UGT2B28: variants seen among roughly 807,000 people sequenced by gnomAD.
UGT2B28 encodes UDP glucuronosyltransferase family 2 member B28, also known as UDP-glucuronosyltransferase 2B28.
Under a neutral mutation model 43.6 loss-of-function variants are expected in UGT2B28, and 45 were observed. The ratio of observed to expected loss-of-function variants is 1.03; its 90% CI spans 0.81 to 1.32. UGT2B28 has a LOEUF of 1.32. UGT2B28 is among the 40% of genes most tolerant of loss of function. UGT2B28 has a pLI of 0.00. For synonymous variants in UGT2B28, 204 were observed against 208.1 expected (o/e 0.98, Z 0.17); for missense variants, 649 against 625.5 (o/e 1.04, Z -0.40).
rs1723961699 is a variant in UGT2B28 at position 69,291,744 on chromosome 4, G to C, written c.1310+933G>C. On this transcript the variant is annotated intron_variant, in intron 5 of 5. Transcript: ENST00000335568. ...TACTTTCTTTTGGGTTGATGCAGAA[G>C]TGGAATTGCTGCCTCATGTGAGAAC... Among the ~76,000 whole-genome samples, 2 of 133,980 alleles carry C rather than the reference G, an allele frequency of 1.5e-5. 1 individual carries two copies. The highest frequency in any genetic ancestry group is 5.0e-4 in the South Asian group (2 of 3,972). 87.9% of individuals were successfully genotyped at this position (133,980 alleles called of 152,430 possible).
At chr4:69,284,047 T>A (rs1723698293) in intron 2 of UGT2B28, among the ~76,000 whole-genome samples, 2 of 140,668 alleles carry the variant, frequency 1.4e-5, no homozygotes, top group African/African-American at 2.8e-5. Flanking sequence ...TGCATTGAGA[T>A]CCCAGAATTT....
rs202015495 is a variant in UGT2B28 at position 69,281,000 on chromosome 4, C to T, written c.500C>T (p.Pro167Leu). ...GELLAALLNI[P>L]FVYSLCFTPG... Reference sequence around the variant, plus strand: ...CTGCTGGCTGCGCTACTTAACATACCGTTTGTGTACAGTCTCTGCTTCACT... The same window carrying T: ...CTGCTGGCTGCGCTACTTAACATACTGTTTGTGTACAGTCTCTGCTTCACT... The change falls in exon 1 of 6, where the codon CCG (proline) becomes CTG (leucine). Residue 167 changes from proline to leucine, a missense_variant. Pro to Leu is a moderately conservative substitution (Grantham distance 98). Coordinates refer to ENST00000335568, the MANE Select transcript of UGT2B28 (RefSeq NM_053039.2). The T allele has an allele frequency of 3.2e-6, 5 of 1,559,280 alleles. 1 individual carries two copies. The South Asian group carries it at 3.6e-5, about 11-fold the overall frequency.
In UGT2B28 at chr4:69,289,012, G is replaced by A. The variant is rs1723862980; in HGVS notation, c.1003-653G>A. Among the ~76,000 whole-genome samples, 2 of 139,978 alleles carry A rather than the reference G, an allele frequency of 1.4e-5. 1 individual carries two copies. The highest frequency in any genetic ancestry group is 4.8e-4 in the South Asian group (2 of 4,176). The allele number at this position is 139,978 out of a possible 152,430, so 91.8% of individuals were successfully genotyped here. A position where few individuals can be genotyped will look rare whatever the true frequency, so the allele number is the denominator to read the frequency against. On this transcript the variant is annotated intron_variant, in intron 3 of 5. Coordinates refer to ENST00000335568, the MANE Select transcript of UGT2B28 (RefSeq NM_053039.2). The stretch of plus-strand genomic sequence containing the variant: ...TAATTGATGGTCATTTAGGTTGACT[G>A]CATGTCCTTGCTATTGTGAATAGTA...
At chr4:69,289,826 A>G in intron 4 of UGT2B28, 74 bp downstream of exon 4, 1 of 1,346,558 alleles carries the variant, frequency 7.4e-7, no homozygotes, top group Non-Finnish European at 1.0e-6. Context: ...ATCTTGAAAC[A>G]TGCTTATTGA....
At chr4:69,294,464 T>A (rs1724044002) in intron 5 of UGT2B28, 66 bp from the exon 6 acceptor site, 4 of 1,364,742 alleles carry the variant, frequency 2.9e-6, no homozygotes, top group African/African-American at 1.7e-5. Context: ...AAGCCTTTCA[T>A]AGACTTGATA....
Position 69,287,208 on chromosome 4 carries a change from T to C in UGT2B28, c.1002+325T>C, listed in dbSNP as rs1470438921. Reference sequence around the variant, plus strand: ...TTTCTGATATTAACAGTCATACATATGGCTGAAATTAACTCAATATATTTC... The same window carrying C: ...TTTCTGATATTAACAGTCATACATACGGCTGAAATTAACTCAATATATTTC... On this transcript the variant is annotated intron_variant, in intron 3 of 5. Coordinates refer to ENST00000335568, the MANE Select transcript of UGT2B28 (RefSeq NM_053039.2). Among the ~76,000 whole-genome samples, 6 of 140,998 alleles carry C rather than the reference T, an allele frequency of 4.3e-5. 1 individual carries two copies. The highest frequency in any genetic ancestry group is 4.1e-4 in the East Asian group (2 of 4,930). The allele number at this position is 140,998 out of a possible 152,430, so 92.5% of individuals were successfully genotyped here. A position where few individuals can be genotyped will look rare whatever the true frequency, so the allele number is the denominator to read the frequency against.
At chr4:69,282,794 A>C (rs1723656665) in intron 2 of UGT2B28, 132 bp downstream of exon 2, 1 of 1,314,696 alleles carries the variant, frequency 7.6e-7, no homozygotes. Context: ...AGCAGATACC[A>C]AATAGAAACT....
chr4:69,288,169 A>T (rs549780187), intron 3 of UGT2B28, among the ~76,000 whole-genome samples: 3 of 139,580 alleles, frequency 2.1e-5, no homozygotes, highest in Admixed American at 1.4e-4. Flanking sequence ...AAAAAAATCC[A>T]AAATTAACGA....
chr4:69,293,936 A>G (rs1235541323), intron 5 of UGT2B28, among the ~76,000 whole-genome samples: 1 of 140,362 alleles, frequency 7.1e-6, no homozygotes, highest in Non-Finnish European at 1.5e-5. Flanking sequence ...TGTAAAAGCA[A>G]AGTGACAAGC....
At chr4:69,292,638 T>C (rs1485813418) in intron 5 of UGT2B28, among the ~76,000 whole-genome samples, 2 of 140,090 alleles carry the variant, frequency 1.4e-5, no homozygotes, top group East Asian at 4.1e-4. Flanking sequence ...AACACATATA[T>C]ACATATACAA....
In UGT2B28 at chr4:69,287,202, T is replaced by C. The variant is rs1438862637; in HGVS notation, c.1002+319T>C. ...TTTTAATTTCTGATATTAACAGTCATACATATGGCTGAAATTAACTCAATA... is the reference window on the plus strand; with the variant it reads ...TTTTAATTTCTGATATTAACAGTCACACATATGGCTGAAATTAACTCAATA... On this transcript the variant is annotated intron_variant, in intron 3 of 5. Transcript: ENST00000335568. Among the ~76,000 whole-genome samples the C allele has an allele frequency of 7.8e-5, 11 of 140,890 alleles. 1 individual carries two copies. The highest frequency in any genetic ancestry group is 5.0e-4 in the Admixed American group (7 of 14,018). 92.4% of individuals were successfully genotyped at this position (140,890 alleles called of 152,430 possible).
chr4:69,288,571 T>A (rs1463991429), intron 3 of UGT2B28, among the ~76,000 whole-genome samples: 1 of 140,348 alleles, frequency 7.1e-6, no homozygotes. Context: ...ATAATATTTT[T>A]ATTTTTTAAA....
At chr4:69,287,663 C>G (rs549694135) in intron 3 of UGT2B28, among the ~76,000 whole-genome samples, 1 of 139,242 alleles carries the variant, frequency 7.2e-6, no homozygotes, top group Non-Finnish European at 1.5e-5. Context: ...GATTAACAAC[C>G]CCTCCCAGTG....
Position 69,282,610 on chromosome 4 carries a change from A to T in UGT2B28, c.818A>T (p.Asn273Ile). 6.4e-7 allele frequency: 1 copy of T among 1,555,418 alleles called. No individual in the cohort carries two copies. Among genetic ancestry groups the T allele is most frequent in the Non-Finnish European group, 8.7e-7 (1 of 1,153,578 alleles). The change falls in exon 2 of 6, where the codon AAC becomes ATC. Residue 273 changes from asparagine (N) to isoleucine (I), a missense_variant. Physicochemically the swap from Asn to Ile is moderately radical, Grantham distance 149. Transcript: ENST00000335568. The part of the protein sequence containing the change: ...SFQFPHPFLP[N>I]IDFVGGLHCK... Reference sequence around the variant, plus strand: ...CAATTTCCTCATCCATTCTTACCAAACATTGATTTTGTTGGAGGACTCCAC... The same window carrying T: ...CAATTTCCTCATCCATTCTTACCAATCATTGATTTTGTTGGAGGACTCCAC...
intron 4 of UGT2B28, 57 bp downstream of exon 4, chr4:69,289,809 A>G: frequency 2.1e-6 from 3 of 1,411,804 alleles, no homozygotes; most frequent in Non-Finnish European, 2.9e-6. Flanking sequence ...TAGAATGTTA[A>G]TAGTTTATCT....
chr4:69,288,800 T>A lies in UGT2B28; in HGVS notation c.1003-865T>A, dbSNP rs1287783735. Among the ~76,000 whole-genome samples the A allele has an allele frequency of 4.0e-4, 56 of 140,286 alleles. 16 individuals are homozygous for A. Among genetic ancestry groups the A allele is most frequent in the African/African-American group, 1.4e-3 (52 of 35,944 alleles). 92.0% of individuals were successfully genotyped at this position (140,286 alleles called of 152,430 possible). A position where few individuals can be genotyped will look rare whatever the true frequency, so the allele number is the denominator to read the frequency against. ...TGTTGTTGCCATCTATGTATCCACG[T>A]GTTCTCATCTTTTAGCTTCCACTCA... On this transcript the variant is annotated intron_variant, in intron 3 of 5. Transcript: ENST00000335568.
rs1347136529 is a variant in UGT2B28, at chr4:69,290,005, C to T, written c.1090+253C>T. On this transcript the variant is annotated intron_variant, in intron 4 of 5. Transcript: ENST00000335568. ...TGCTATTATATCTCACAGAATTTTT[C>T]AGTATCTTCCTGGGCTGTCTCTCCG... 3.6e-5 allele frequency among the ~76,000 whole-genome samples: 5 copies of T among 140,260 alleles called. 1 individual carries two copies. The highest frequency in any genetic ancestry group is 7.6e-5 in the Non-Finnish European group (5 of 65,668). The allele number at this position is 140,260 out of a possible 152,430, so 92.0% of individuals were successfully genotyped here.
Position 69,292,311 on chromosome 4 carries a change from C to T in UGT2B28, c.1310+1500C>T, listed in dbSNP as rs1466432485. Among the ~76,000 whole-genome samples, 2 of 139,798 alleles carry T rather than the reference C, an allele frequency of 1.4e-5. 1 individual carries two copies. The highest frequency in any genetic ancestry group is 5.6e-5 in the African/African-American group (2 of 35,802). 91.7% of individuals were successfully genotyped at this position (139,798 alleles called of 152,430 possible). ...CATCAATTCCACATTTATAACTACT[C>T]TCAATAAAGTTTTTGTGTAAGGAGG... On this transcript the variant is annotated intron_variant, in intron 5 of 5. Transcript: ENST00000335568.
At chr4:69,286,647 A>C in intron 2 of UGT2B28, 105 bp from the exon 3 acceptor site, 1 of 1,398,680 alleles carries the variant, frequency 7.1e-7, no homozygotes, top group Non-Finnish European at 9.5e-7. Context: ...TACTCCAATA[A>C]TTCCTCAAAA....
Sources: allele counts gnomAD v4.1 joint callset (sites outside exome capture counted in the v4.1 genomes callset), GRCh38; gene constraint gnomAD v4.1.1; transcripts MANE v1.5; gene names NCBI Gene and HGNC (gene_info 2026-07-23, HGNC 2026-07-21).